The following CTPS1 variants were observed in gnomAD, a reference collection of about 807,000 sequenced individuals.
The protein encoded by CTPS1 is CTP synthetase 1.
Under a neutral mutation model 80.5 loss-of-function variants are expected in CTPS1, and 25 were observed. The ratio of observed to expected loss-of-function variants is 0.31; its 90% confidence interval spans 0.23 to 0.43. The LOEUF is 0.43. Among genes scored for constraint, CTPS1 ranks in the 20% least tolerant of loss-of-function variants. The pLI is 1.00. For missense variants in CTPS1, 442 were observed against 725.7 expected, an observed-to-expected ratio of 0.61 and a Z score of 4.49; for synonymous variants, 267 against 252.5, an observed-to-expected ratio of 1.06 and a Z score of -0.54.
At chr1:40,989,401 C>A (rs1266287823) in intron 5 of CTPS1, among the ~76,000 whole-genome samples, 10 of 152,200 alleles carry the variant, frequency 6.6e-5, no homozygotes, top group Non-Finnish European at 1.5e-5. Context: ...CCTTCTTCCA[C>A]CATTTGGTTC....
At chr1:41,000,075 G>A (rs573349572) in intron 9 of CTPS1, among the ~76,000 whole-genome samples, 5 of 152,296 alleles carry the variant, frequency 3.3e-5, no homozygotes, top group Non-Finnish European at 7.3e-5. Flanking sequence ...AAAGAAGCCA[G>A]ACACAAAAGG....
chr1:41,002,392 C>T, intron 11 of CTPS1, 138 bp downstream of exon 11: 1 of 676,852 alleles, frequency 1.5e-6, no homozygotes, highest in Non-Finnish European at 2.6e-6. Flanking sequence ...TAGAAGCCTT[C>T]ATGTTTTCTC....
chr1:41,001,225 AT>A (rs1642896204), intron 10 of CTPS1, 108 bp downstream of exon 10: 2 of 724,492 alleles, frequency 2.8e-6, no homozygotes, highest in East Asian at 6.7e-5. Context: ...TTGTTAAAAT[AT>A]TTTTTAATTG....
intron 18 of CTPS1, 115 bp downstream of exon 18, chr1:41,010,369 G>T (rs1427069020): frequency 1.4e-6 from 1 of 703,244 alleles, no homozygotes; most frequent in East Asian, 2.7e-5. Context: ...AATGAAAGTG[G>T]TGAGGTCTTG....
intron 12 of CTPS1, among the ~76,000 whole-genome samples, chr1:41,003,773 T>C (rs1642964625): frequency 6.6e-6 from 1 of 152,198 alleles, no homozygotes; most frequent in Non-Finnish European, 1.5e-5. Flanking sequence ...TCCCTAAAGC[T>C]CAGTGGCTCC....
In CTPS1 at chr1:40,982,067, G is replaced by A. The variant is rs954652570; in HGVS notation, c.-13-1211G>A. The A allele has an allele frequency of 1.0e-5, 12 of 1,153,210 alleles. No homozygotes were observed. The African/African-American group carries it at 1.6e-4, about 15-fold the overall frequency. The allele number at this position is 1,153,210 out of a possible 1,614,324, so 71.4% of individuals were successfully genotyped here. A position where few individuals can be genotyped will look rare whatever the true frequency, so the allele number is the denominator to read the frequency against. On this transcript the variant is annotated intron_variant, in intron 1 of 18. Coordinates refer to ENST00000650070, the MANE Select transcript of CTPS1 (RefSeq NM_001905.4). ...ATTTGGGTTTGCTGACCAAATGGAC[G>A]ATCCTGGACCTCTGAAGCTGGGGAC...
intron 12 of CTPS1, 96 bp from the exon 13 acceptor site, chr1:41,005,955 A>G: frequency 1.0e-6 from 1 of 994,318 alleles, no homozygotes; most frequent in South Asian, 1.4e-5. Flanking sequence ...CACTGATCTT[A>G]AACTGAGGAG....
chr1:41,010,031 T>C (rs1018636399), intron 17 of CTPS1, 130 bp from the exon 18 acceptor site: 83 of 621,708 alleles, frequency 1.3e-4, no homozygotes, highest in Non-Finnish European at 2.2e-4. Flanking sequence ...AAATATATTA[T>C]GTAGCAAACA....
At chr1:40,997,874 T>C (rs189119447) in intron 9 of CTPS1, among the ~76,000 whole-genome samples, 99 of 152,330 alleles carry the variant, frequency 6.5e-4, no homozygotes, top group Non-Finnish European at 6.9e-4. Context: ...GGAGACTTTG[T>C]TGGCATGTGG....
intron 8 of CTPS1, 73 bp downstream of exon 8, chr1:40,996,141 G>C: frequency 6.5e-7 from 1 of 1,547,740 alleles, no homozygotes; most frequent in Non-Finnish European, 8.9e-7. Flanking sequence ...GCCGACTCTA[G>C]CCCTAGCACT....
intron 16 of CTPS1, 45 bp from the exon 17 acceptor site, chr1:41,009,400 C>A: frequency 6.6e-7 from 1 of 1,514,112 alleles, no homozygotes; most frequent in Non-Finnish European, 8.8e-7. Context: ...ACACTTTGTG[C>A]ATAACCTTCA....
chr1:41,010,024 T>C (rs1214904198), intron 17 of CTPS1, 137 bp from the exon 18 acceptor site: 2 of 607,372 alleles, frequency 3.3e-6, no homozygotes, highest in South Asian at 2.2e-5. Flanking sequence ...TCATGTTAAA[T>C]ATATTATGTA....
At chr1:41,004,919 A>G (rs1022049535) in intron 12 of CTPS1, among the ~76,000 whole-genome samples, 5 of 151,996 alleles carry the variant, frequency 3.3e-5, no homozygotes, top group African/African-American at 1.2e-4. Context: ...ACTTGAGGCC[A>G]GGAGGTCGAG....
chr1:40,992,682 ATTTTTTT>A (rs67623913), intron 7 of CTPS1, among the ~76,000 whole-genome samples: 5 of 127,928 alleles, frequency 3.9e-5, no homozygotes, highest in Non-Finnish European at 6.6e-5. Context: ...AAATTGTTCA[ATTTTTTT>A]TTTTTTTTTT....
Position 41,008,728 on chromosome 1 carries a change from C to G in CTPS1, c.1449+14C>G, listed in dbSNP as rs35044078. ...CACCGATTTGAGGTGAGGATTCCAGCTTGCTGGTACTCTGGAAAGATAGTG... is the reference window on the plus strand; with the variant it reads ...CACCGATTTGAGGTGAGGATTCCAGGTTGCTGGTACTCTGGAAAGATAGTG... On this transcript the variant is annotated intron_variant, in intron 15 of 18. Transcript: ENST00000650070. 0.11 allele frequency: 184,361 copies of G among 1,613,798 alleles called. 12,464 individuals carry two copies. Among genetic ancestry groups the G allele is most frequent in the East Asian group, 0.27 (12,074 of 44,866 alleles).
chr1:40,996,988 A>C (rs1642768398), intron 8 of CTPS1: 1 of 153,168 alleles, frequency 6.5e-6, no homozygotes, highest in Non-Finnish European at 1.5e-5. Flanking sequence ...ACTCTTTGTA[A>C]GTTTCAAAAC....
chr1:41,004,320 T>C (rs1160118756), intron 12 of CTPS1: 1 of 152,272 alleles, frequency 6.6e-6, no homozygotes, highest in African/African-American at 2.4e-5. Flanking sequence ...GGGCTGGGTT[T>C]CATTCACCCT....
chr1:41,003,424 C>T (rs555117378), intron 12 of CTPS1, among the ~76,000 whole-genome samples: 50 of 152,270 alleles, frequency 3.3e-4, no homozygotes, highest in Admixed American at 2.3e-3. Flanking sequence ...TCTTGAGATT[C>T]TGTCACTTTG....
intron 10 of CTPS1, 46 bp from the exon 11 acceptor site, chr1:41,002,114 C>T (rs1642917711): frequency 6.4e-7 from 1 of 1,561,200 alleles, no homozygotes; most frequent in African/African-American, 1.4e-5. Flanking sequence ...GCAAGTTGGA[C>T]TGGTAGAAAA....
Sources: gnomAD v4.1 joint callset for allele counts (sites outside exome capture counted in the v4.1 genomes callset) on GRCh38, gnomAD v4.1.1 for gene constraint, MANE v1.5 for transcripts, NCBI Gene and HGNC (gene_info 2026-07-23, HGNC 2026-07-21) for gene names.